HERC1: variants seen among roughly 807,000 people sequenced by gnomAD.
HERC1 encodes probable E3 ubiquitin-protein ligase HERC1.
In HERC1, 160 loss-of-function variants were observed where a neutral mutation model predicts 554.3. The ratio of observed to expected loss-of-function variants is 0.29; its 90% CI spans 0.25 to 0.33. The LOEUF (loss-of-function observed/expected upper bound fraction) is 0.33, where lower values mean the gene tolerates loss of function less well. Among genes scored for constraint, HERC1 ranks in the 10% least tolerant of loss-of-function variants. The pLI is 1.00. For synonymous variants in HERC1, 2,175 were observed against 2,131.7 expected (o/e 1.02, Z -0.56); for missense variants, 4,919 against 5,918.5 (o/e 0.83, Z 5.54).
chr15:63,701,922 A>G (rs1378235294), intron 25 of HERC1, among the ~76,000 whole-genome samples: 1 of 152,192 alleles, frequency 6.6e-6, no homozygotes, highest in African/African-American at 2.4e-5. Context: ...CTACATAACA[A>G]TTGAGACTAA....
At chr15:63,714,593 G>A (rs1291260282) in intron 22 of HERC1, among the ~76,000 whole-genome samples, 14 of 129,820 alleles carry the variant, frequency 1.1e-4, no homozygotes, top group Admixed American at 3.5e-4. Flanking sequence ...TCTGTCGCCC[G>A]GGCTGGAGTG....
Position 63,783,386 on chromosome 15 carries a change from G to C in HERC1, c.-26-7737C>G, listed in dbSNP as rs566751525. Reference sequence around the variant, plus strand: ...AAGATTACAACTCTTTGAAGGATCAGAGGACTCTCAGCATTTTTTAGCAAA... The same window carrying C: ...AAGATTACAACTCTTTGAAGGATCACAGGACTCTCAGCATTTTTTAGCAAA... On this transcript the variant is annotated intron_variant, in intron 1 of 77. Transcript: ENST00000443617. Among the ~76,000 whole-genome samples, 5 of 152,180 alleles carry C rather than the reference G, an allele frequency of 3.3e-5. No homozygotes were observed. In the South Asian group the frequency reaches 8.3e-4, roughly 25 times the overall value.
chr15:63,811,491 G>C (rs1026752486), intron 1 of HERC1, among the ~76,000 whole-genome samples: 1 of 152,076 alleles, frequency 6.6e-6, no homozygotes, highest in African/African-American at 2.4e-5. Context: ...AGCTGAATCA[G>C]GCACAGCTGA....
At chr15:63,750,687 G>A (rs904247600) in intron 8 of HERC1, among the ~76,000 whole-genome samples, 3 of 152,160 alleles carry the variant, frequency 2.0e-5, no homozygotes, top group African/African-American at 7.2e-5. Flanking sequence ...ATCCCAGCAC[G>A]TTGGGAGGCT....
chr15:63,680,465 G>C lies in HERC1; in HGVS notation c.6465+72C>G. The C allele has an allele frequency of 6.7e-7, 1 of 1,486,568 alleles. No homozygotes were observed. Among genetic ancestry groups the C allele is most frequent in the Non-Finnish European group, 9.1e-7 (1 of 1,093,596 alleles). 92.1% of individuals were successfully genotyped at this position (1,486,568 alleles called of 1,614,324 possible). ...CAGATAATCTATAAACTGAATACGT[G>C]GCACTTGAATAACCGAGTTGACTAT... is the stretch of plus-strand genomic sequence containing the variant. On this transcript the variant is annotated intron_variant, in intron 35 of 77. Transcript: ENST00000443617. The surrounding 1 kb of genome is among the most constrained non-coding windows in gnomAD (Gnocchi z 5.8).
At chr15:63,761,609 A>G (rs1428590493) in intron 3 of HERC1, among the ~76,000 whole-genome samples, 2 of 151,274 alleles carry the variant, frequency 1.3e-5, no homozygotes, top group African/African-American at 4.9e-5. Context: ...AAAAATGCAG[A>G]GAGTATGTAA....
rs75914275 is a variant in HERC1, at chr15:63,649,655, A to C, written c.10747+70T>G. On this transcript the variant is annotated intron_variant, in intron 54 of 77. Coordinates refer to ENST00000443617, the MANE Select transcript of HERC1 (RefSeq NM_003922.4). Reference sequence around the variant, plus strand: ...TATTCACTTGGTATTTTTAAAAGCAAATGCCAAAAAGCTAAGTCTAGAAAG... The same window carrying C: ...TATTCACTTGGTATTTTTAAAAGCACATGCCAAAAAGCTAAGTCTAGAAAG... 6.5e-3 allele frequency: 8,364 copies of C among 1,280,942 alleles called. 400 individuals carry two copies. The African/African-American group carries it at 0.11, about 17-fold the overall frequency. 79.3% of individuals were successfully genotyped at this position (1,280,942 alleles called of 1,614,324 possible).
In HERC1 at chr15:63,635,953, T is replaced by G; in HGVS notation, c.12414+8A>C. On this transcript the variant is annotated splice_region_variant and intron_variant, in intron 65 of 77. Coordinates refer to ENST00000443617, the MANE Select transcript of HERC1 (RefSeq NM_003922.4). ...ATGAAAGGCAAACTTATCCATTTCCTGCCTGACCTGCACCACTTCTTCTCC... is the reference window on the plus strand; with the variant it reads ...ATGAAAGGCAAACTTATCCATTTCCGGCCTGACCTGCACCACTTCTTCTCC... 1 of 1,613,356 alleles carries G rather than the reference T, an allele frequency of 6.2e-7. No homozygotes were observed. Among genetic ancestry groups the G allele is most frequent in the Admixed American group, 1.7e-5 (1 of 59,890 alleles).
intron 1 of HERC1, among the ~76,000 whole-genome samples, chr15:63,804,835 G>A (rs765150245): frequency 1.3e-5 from 2 of 152,088 alleles, no homozygotes; most frequent in Non-Finnish European, 2.9e-5. Context: ...CGCATGAAAG[G>A]ATGTTCAACA....
chr15:63,660,350 A>AATAAATAC (rs555732427), intron 46 of HERC1, among the ~76,000 whole-genome samples: 50 of 152,104 alleles, frequency 3.3e-4, no homozygotes, highest in Admixed American at 1.2e-3. Flanking sequence ...TAAATAAATA[A>AATAAATAC]ATACATACAT....
At chr15:63,616,788 T>A (rs1006024310) in intron 74 of HERC1, 106 bp from the exon 75 acceptor site, 26 of 978,436 alleles carry the variant, frequency 2.7e-5, no homozygotes, top group Non-Finnish European at 3.4e-5. Flanking sequence ...CTGTTCAATA[T>A]GGCATCCATT....
chr15:63,801,461 T>C (rs773528729), intron 1 of HERC1, among the ~76,000 whole-genome samples: 3 of 152,126 alleles, frequency 2.0e-5, no homozygotes, highest in Non-Finnish European at 4.4e-5. Context: ...AACTGATTGG[T>C]GTACGCAAAA....
intron 1 of HERC1, among the ~76,000 whole-genome samples, chr15:63,820,719 T>C (rs905651426): frequency 6.6e-6 from 1 of 152,178 alleles, no homozygotes; most frequent in African/African-American, 2.4e-5. Flanking sequence ...GGTCTTGCTA[T>C]GCTGCCTAGG....
chr15:63,829,561 G>GTGTGTGTGTATA (rs1220043639), intron 1 of HERC1, among the ~76,000 whole-genome samples: 13 of 81,728 alleles, frequency 1.6e-4, no homozygotes, highest in South Asian at 7.7e-4. Context: ...GTGTGTGTGT[G>GTGTGTGTGTATA]TATATATATA....
intron 24 of HERC1, among the ~76,000 whole-genome samples, chr15:63,710,093 G>A (rs1301694837): frequency 2.0e-5 from 3 of 152,234 alleles, no homozygotes; most frequent in East Asian, 3.8e-4. Flanking sequence ...AAGAATACTG[G>A]TTCCAAAAGC....
chr15:63,651,814 G>A (rs960630987), intron 52 of HERC1, among the ~76,000 whole-genome samples: 1 of 152,176 alleles, frequency 6.6e-6, no homozygotes, highest in East Asian at 1.9e-4. Context: ...GGGGCAGGCA[G>A]ATCAGAAGGT....
intron 45 of HERC1, 95 bp downstream of exon 45, chr15:63,661,658 A>G (rs1428085369): frequency 7.7e-7 from 1 of 1,297,622 alleles, no homozygotes; most frequent in East Asian, 2.3e-5. Context: ...AGGGAAGGTT[A>G]AATGTAACTC....
At chr15:63,729,128 C>CA (rs2074168331) in intron 16 of HERC1, 108 bp downstream of exon 16, 8 of 1,012,896 alleles carry the variant, frequency 7.9e-6, no homozygotes, top group Admixed American at 6.2e-5. Context: ...GAAGGAAATT[C>CA]AAGACCATTC....
chr15:63,690,530 A>G lies in HERC1; in HGVS notation c.5937+11T>C. The stretch of plus-strand genomic sequence containing the variant: ...TGGAAAACATCTTCTAATAATTTTA[A>G]AAATAAAAACCTGGGCCATTTGATC... On this transcript the variant is annotated intron_variant, in intron 32 of 77. Transcript: ENST00000443617. The G allele has an allele frequency of 6.4e-7, 1 of 1,563,868 alleles. No individual in the cohort carries two copies. Among genetic ancestry groups the G allele is most frequent in the Non-Finnish European group, 8.7e-7 (1 of 1,143,148 alleles).
Sources: gnomAD v4.1 joint callset for allele counts (sites outside exome capture counted in the v4.1 genomes callset) on GRCh38, gnomAD v4.1.1 for gene constraint, Gnocchi (gnomAD v3.1) non-coding constraint, MANE v1.5 for transcripts, NCBI Gene and HGNC (gene_info 2026-07-23, HGNC 2026-07-21) for gene names.